Variants in LRRIQ3 observed in about 807,000 individuals in gnomAD.
LRRIQ3 encodes the protein leucine rich repeats and IQ motif containing 3.
LRRIQ3 carries 75 observed loss-of-function variants against 59.3 expected under a neutral mutation model. The observed-to-expected ratio is 1.26, with a 90% confidence interval of 1.05 to 1.53. The LOEUF is 1.53. Among genes scored for constraint, LRRIQ3 ranks in the 40% most tolerant of loss-of-function variants. The pLI is 0.00. For synonymous variants in LRRIQ3, 250 were observed against 231.3 expected (o/e 1.08, Z -0.73); for missense variants, 831 against 710.0 (o/e 1.17, Z -1.94).
intron 4 of LRRIQ3, among the ~76,000 whole-genome samples, chr1:74,133,654 T>C (rs1479302443): frequency 6.7e-6 from 1 of 149,800 alleles, no homozygotes; most frequent in Non-Finnish European, 1.5e-5. Context: ...TAGGTGGGAA[T>C]TGAACAATGA....
intron 7 of LRRIQ3, among the ~76,000 whole-genome samples, 200 bp from the exon 8 acceptor site, chr1:74,027,169 T>C (rs1047462957): frequency 6.6e-6 from 1 of 152,124 alleles, no homozygotes; most frequent in Non-Finnish European, 1.5e-5. Context: ...CTATAAGCTA[T>C]AATTAAAAAT....
At chr1:74,027,951 A>G (rs1259048682) in intron 7 of LRRIQ3, among the ~76,000 whole-genome samples, 3 of 152,110 alleles carry the variant, frequency 2.0e-5, no homozygotes, top group African/African-American at 7.2e-5. Flanking sequence ...CTAAAGAGCA[A>G]GGAGGGGAAG....
Position 74,174,526 on chromosome 1 carries a change from G to A in LRRIQ3, c.573+8012C>T, listed in dbSNP as rs187505179. Among the ~76,000 whole-genome samples the A allele has an allele frequency of 1.7e-4, 25 of 149,416 alleles. No homozygotes were observed. In the East Asian group the frequency reaches 5.1e-3, roughly 30 times the overall value. ...GCCTCCCAAGCAGCTGAGATTACAG[G>A]CACCTGCCATCATGCCTGGCTATTT... On this transcript the variant is annotated intron_variant, in intron 3 of 7. Transcript: ENST00000354431.
intron 7 of LRRIQ3, among the ~76,000 whole-genome samples, chr1:74,028,518 A>C (rs1653589675): frequency 6.6e-6 from 1 of 152,044 alleles, no homozygotes; most frequent in Non-Finnish European, 1.5e-5. Flanking sequence ...ACAAGACGGG[A>C]AGAAAGATTA....
At chr1:74,110,826 C>T (rs929701768) in intron 4 of LRRIQ3, among the ~76,000 whole-genome samples, 1 of 151,806 alleles carries the variant, frequency 6.6e-6, no homozygotes, top group African/African-American at 2.4e-5. Context: ...TAAATAAGGC[C>T]GTTTACTTTC....
chr1:74,173,945 T>C (rs1649482944), intron 3 of LRRIQ3, among the ~76,000 whole-genome samples: 1 of 152,184 alleles, frequency 6.6e-6, no homozygotes, highest in African/African-American at 2.4e-5. Flanking sequence ...GTTCTGAATA[T>C]ACCATCTCAT....
intron 4 of LRRIQ3, among the ~76,000 whole-genome samples, chr1:74,152,914 T>A (rs905278729): frequency 6.6e-6 from 1 of 152,184 alleles, no homozygotes; most frequent in East Asian, 1.9e-4. Context: ...GGCTTTCTAA[T>A]ATTGATTCAT....
intron 1 of LRRIQ3, among the ~76,000 whole-genome samples, chr1:74,185,077 T>C (rs1485847051): frequency 6.6e-6 from 1 of 152,226 alleles, no homozygotes; most frequent in African/African-American, 2.4e-5. Context: ...TCTTGGCTGT[T>C]TCCAACTTTA....
intron 4 of LRRIQ3, among the ~76,000 whole-genome samples, chr1:74,134,501 G>T (rs1458405189): frequency 3.3e-5 from 5 of 151,832 alleles, no homozygotes; most frequent in Non-Finnish European, 7.4e-5. Flanking sequence ...ATTTCAAAGA[G>T]TCTATAAGTA....
At position 74,182,714 on chromosome 1, in the gene LRRIQ3, G is replaced by T; in HGVS notation, c.397C>A (p.Pro133Thr). 1 of 1,612,624 alleles carries T rather than the reference G, an allele frequency of 6.2e-7. No individual in the cohort carries two copies. The highest frequency in any genetic ancestry group is 8.5e-7 in the Non-Finnish European group (1 of 1,179,014). Residue 133 changes from proline (P) to threonine (T), a missense_variant, in exon 3 of 8, where the codon CCA (proline) becomes ACA (threonine). Coordinates refer to ENST00000354431, the MANE Select transcript of LRRIQ3 (RefSeq NM_001105659.2). ...CTATATCCTTTTTTAAGGCTTACTGGACAATCAAACATAGTGAGGGCAATG... is the reference window on the plus strand; with the variant it reads ...CTATATCCTTTTTTAAGGCTTACTGTACAATCAAACATAGTGAGGGCAATG... ...TLIALTMFDC[P>T]VSLKKGYRHV... is the part of the protein sequence containing the mutation.
chr1:74,193,975 T>C (rs1427890459), intron 1 of LRRIQ3, among the ~76,000 whole-genome samples: 1 of 152,196 alleles, frequency 6.6e-6, no homozygotes, highest in African/African-American at 2.4e-5. Context: ...GTCTGCAACA[T>C]ATTAAGTGCA....
In LRRIQ3 at chr1:74,183,404, A is replaced by C. The variant is rs566110982; in HGVS notation, c.249+32T>G. ...TTATTATAAGACTGAAATTTCGTTT[A>C]TATGCAAATATCTGAAATGGCTATT... On this transcript the variant is annotated intron_variant, in intron 2 of 7. Transcript: ENST00000354431. 3 of 1,504,414 alleles carry C rather than the reference A, an allele frequency of 2.0e-6. No individual in the cohort carries two copies. In the South Asian group the frequency reaches 4.2e-5, roughly 21 times the overall value. 93.2% of individuals were successfully genotyped at this position (1,504,414 alleles called of 1,614,324 possible).
rs985321309 is a variant in LRRIQ3, at chr1:74,183,738, C to G, written c.1-54G>C. 14 of 1,389,048 alleles carry G rather than the reference C, an allele frequency of 1.0e-5. No individual in the cohort carries two copies. In the Admixed American group the frequency reaches 2.8e-4, roughly 28 times the overall value. 86.0% of individuals were successfully genotyped at this position (1,389,048 alleles called of 1,614,324 possible). A position where few individuals can be genotyped will look rare whatever the true frequency, so the allele number is the denominator to read the frequency against. On this transcript the variant is annotated intron_variant, in intron 1 of 7. Transcript: ENST00000354431. ...TTTTTTTCCACTTTCAAAAATTTACCTGAAAACAAACAAAATTTTGCCAAG... is the reference window on the plus strand; with the variant it reads ...TTTTTTTCCACTTTCAAAAATTTACGTGAAAACAAACAAAATTTTGCCAAG...
chr1:74,100,941 A>C (rs920015993), intron 5 of LRRIQ3, among the ~76,000 whole-genome samples: 1 of 152,166 alleles, frequency 6.6e-6, no homozygotes, highest in African/African-American at 2.4e-5. Flanking sequence ...TGTTAGACCT[A>C]AAACCATAAA....
At chr1:74,112,037 G>A (rs773301303) in intron 4 of LRRIQ3, among the ~76,000 whole-genome samples, 19 of 152,038 alleles carry the variant, frequency 1.2e-4, no homozygotes, top group Non-Finnish European at 2.4e-4. Context: ...CTGGAGCCCT[G>A]GTAGCCCTTA....
At chr1:74,034,635 G>GAC (rs10567002) in intron 7 of LRRIQ3, among the ~76,000 whole-genome samples, 3,345 of 146,962 alleles carry the variant, frequency 0.023, 108 homozygotes, top group African/African-American at 0.076. Context: ...AGCACACACA[G>GAC]ACACACACAC....
intron 6 of LRRIQ3, among the ~76,000 whole-genome samples, chr1:74,053,791 T>C (rs1348943366): frequency 6.6e-6 from 1 of 152,162 alleles, no homozygotes; most frequent in Non-Finnish European, 1.5e-5. Flanking sequence ...CATCATATGT[T>C]ATTAGAGAAT....
intron 4 of LRRIQ3, among the ~76,000 whole-genome samples, chr1:74,141,450 G>C (rs1647252447): frequency 6.6e-6 from 1 of 151,644 alleles, no homozygotes; most frequent in Admixed American, 6.6e-5. Flanking sequence ...AAAAAAATCA[G>C]TTTGCCTGTA....
chr1:74,195,854 T>C (rs951348610), intron 1 of LRRIQ3, among the ~76,000 whole-genome samples: 6 of 152,170 alleles, frequency 3.9e-5, no homozygotes, highest in African/African-American at 1.4e-4. Flanking sequence ...AGTATAATAA[T>C]ACTCTGGTAG....
Sources: gnomAD v4.1 joint callset for allele counts (sites outside exome capture counted in the v4.1 genomes callset) on GRCh38, gnomAD v4.1.1 for gene constraint, MANE v1.5 for transcripts, NCBI Gene and HGNC (gene_info 2026-07-23, HGNC 2026-07-21) for gene names.